CYP2C18: variants seen among roughly 807,000 people sequenced by gnomAD.
The protein encoded by CYP2C18 is cytochrome P450 family 2 subfamily C member 18.
In CYP2C18, 38 loss-of-function variants were observed where a neutral mutation model predicts 41.3. The observed-to-expected ratio is 0.92, with a 90% CI of 0.71 to 1.21. The LOEUF (loss-of-function observed/expected upper bound fraction) is 1.21, where lower values mean the gene tolerates loss of function less well. CYP2C18 is among the 50% of genes most tolerant of loss of function. The probability of loss-of-function intolerance (pLI) is 0.00; values close to 1 mark genes in which losing one functional copy is unlikely to be tolerated. For synonymous variants in CYP2C18, 236 were observed against 210.0 expected (o/e 1.12, Z -1.07); for missense variants, 635 against 591.4 (o/e 1.07, Z -0.77).
At position 94,706,808 on chromosome 10, in the gene CYP2C18, A is replaced by C. The variant is rs1413923742; in HGVS notation, c.667A>C (p.Ile223Leu). Residue 223 changes from isoleucine to leucine, a missense_variant, in exon 5 of 9, where the codon ATC (isoleucine) becomes CTC (leucine). Physicochemically the swap from Ile to Leu is conservative, Grantham distance 5. Transcript: ENST00000285979. The part of the protein sequence containing the change: ...IQVCNNFPAL[I>L]DYLPGSHNKI... ...GGTCTGCAATAATTTCCCTGCTCTC[A>C]TCGATTATCTCCCAGGAAGTCATAA... 1 of 1,598,232 alleles carries C rather than the reference A, an allele frequency of 6.3e-7. No homozygotes were observed. The highest frequency in any genetic ancestry group is 1.1e-5 in the South Asian group (1 of 89,984).
chr10:94,733,194 T>A, intron 7 of CYP2C18, 103 bp from the exon 8 acceptor site: 1 of 1,172,152 alleles, frequency 8.5e-7, no homozygotes, highest in Non-Finnish European at 1.2e-6. Context: ...GGACCTCAAT[T>A]TTCTTATCTA....
chr10:94,686,374 T>A (rs1400082628), intron 1 of CYP2C18, among the ~76,000 whole-genome samples: 2 of 152,210 alleles, frequency 1.3e-5, no homozygotes, highest in Non-Finnish European at 2.9e-5. Context: ...GAATACATCC[T>A]TTCCTATACG....
Position 94,724,368 on chromosome 10 carries a change from A to G in CYP2C18, c.984A>G (p.Glu328=). 6.2e-7 allele frequency: 1 copy of G among 1,613,452 alleles called. No homozygotes were observed. Among genetic ancestry groups the G allele is most frequent in the Non-Finnish European group, 8.5e-7 (1 of 1,179,620 alleles). The change falls in exon 7 of 9, where the codon GAA becomes GAG. Residue 328 remains glutamate, a synonymous_variant. Coordinates refer to ENST00000285979, the MANE Select transcript of CYP2C18 (RefSeq NM_000772.3). ...EVTAKVQEEI[E]CVVGRNRSPC... The stretch of plus-strand genomic sequence containing the variant: ...CAGCTAAAGTCCAGGAAGAGATTGA[A>G]TGTGTAGTTGGCAGAAACCGGAGCC...
At chr10:94,687,152 A>T (rs1359859992) in intron 1 of CYP2C18, among the ~76,000 whole-genome samples, 2 of 152,206 alleles carry the variant, frequency 1.3e-5, no homozygotes, top group Non-Finnish European at 2.9e-5. Context: ...CCTCTGTGAG[A>T]TGCCACACAT....
intron 1 of CYP2C18, among the ~76,000 whole-genome samples, chr10:94,685,046 TAATTAATA>T: frequency 6.6e-6 from 1 of 151,966 alleles, no homozygotes; most frequent in Non-Finnish European, 1.5e-5. Flanking sequence ...ATTAATTAAT[TAATTAATA>T]GAGACAGGGT....
intron 8 of CYP2C18, 37 bp downstream of exon 8, chr10:94,733,475 C>T: frequency 1.9e-6 from 3 of 1,609,266 alleles, no homozygotes; most frequent in Non-Finnish European, 2.5e-6. Context: ...CTTCAGGGCA[C>T]ATGATACCTT....
At chr10:94,717,108 A>T (rs975153754) in intron 5 of CYP2C18, among the ~76,000 whole-genome samples, 1 of 152,130 alleles carries the variant, frequency 6.6e-6, no homozygotes, top group Non-Finnish European at 1.5e-5. Context: ...TGAATACAGC[A>T]CACTGAGGAG....
intron 1 of CYP2C18, 112 bp from the exon 2 acceptor site, chr10:94,687,658 T>C: frequency 1.0e-6 from 1 of 991,846 alleles, no homozygotes; most frequent in Non-Finnish European, 1.5e-6. Flanking sequence ...AAGCTGTATT[T>C]GACAGAATAA....
At chr10:94,728,793 G>A (rs1847785222) in intron 7 of CYP2C18, among the ~76,000 whole-genome samples, 1 of 151,662 alleles carries the variant, frequency 6.6e-6, no homozygotes, top group African/African-American at 2.4e-5. Flanking sequence ...TGTACACAGG[G>A]AAAAGAGCAC....
In CYP2C18 at chr10:94,706,669, C is replaced by T. The variant is rs576281292; in HGVS notation, c.643-115C>T. 6.7e-6 allele frequency: 4 copies of T among 597,724 alleles called. No homozygotes were observed. The South Asian group carries it at 8.9e-5, about 13-fold the overall frequency. The allele number at this position is 597,724 out of a possible 1,614,324, so 37.0% of individuals were successfully genotyped here. ...TTTGTACGTATAATCAAATGCTCCT[C>T]TTACAGAGGGAGATAATTTTTAAAA... On this transcript the variant is annotated intron_variant, in intron 4 of 8. Coordinates refer to ENST00000285979, the MANE Select transcript of CYP2C18 (RefSeq NM_000772.3).
intron 6 of CYP2C18, among the ~76,000 whole-genome samples, chr10:94,722,932 T>C (rs1272002128): frequency 6.6e-6 from 1 of 152,114 alleles, no homozygotes; most frequent in Non-Finnish European, 1.5e-5. Flanking sequence ...ACCATTTAGA[T>C]AGAAAATTCT....
intron 7 of CYP2C18, among the ~76,000 whole-genome samples, chr10:94,730,719 GA>G (rs1847816863): frequency 6.6e-6 from 1 of 152,030 alleles, no homozygotes; most frequent in Admixed American, 6.6e-5. Context: ...ATTCAAATAG[GA>G]AAAGAATAAA....
chr10:94,729,226 G>T (rs1330353653), intron 7 of CYP2C18, among the ~76,000 whole-genome samples: 1 of 152,140 alleles, frequency 6.6e-6, no homozygotes, highest in Non-Finnish European at 1.5e-5. Context: ...GGCAATGGCT[G>T]CTCAATAAGA....
intron 7 of CYP2C18, among the ~76,000 whole-genome samples, chr10:94,732,427 A>C (rs1010793689): frequency 6.6e-6 from 1 of 152,210 alleles, no homozygotes; most frequent in Non-Finnish European, 1.5e-5. Flanking sequence ...TTCTCAAAGA[A>C]CTTAAAAGAG....
At chr10:94,729,133 A>G (rs1589807423) in intron 7 of CYP2C18, among the ~76,000 whole-genome samples, 2 of 152,258 alleles carry the variant, frequency 1.3e-5, no homozygotes, top group East Asian at 3.9e-4. Flanking sequence ...ATGGTCCAGT[A>G]TGAAGAGAGG....
At chr10:94,710,396 C>A (rs1268064483) in intron 5 of CYP2C18, among the ~76,000 whole-genome samples, 1 of 152,170 alleles carries the variant, frequency 6.6e-6, no homozygotes, top group Admixed American at 6.5e-5. Context: ...TTATGGTAAT[C>A]TTGTCCATTT....
intron 6 of CYP2C18, among the ~76,000 whole-genome samples, chr10:94,721,314 C>T (rs1847641283): frequency 6.6e-6 from 1 of 152,130 alleles, no homozygotes. Flanking sequence ...TGTGCCCAGC[C>T]AGGTATGCTT....
intron 3 of CYP2C18, among the ~76,000 whole-genome samples, chr10:94,689,149 A>G (rs1195950164): frequency 1.3e-5 from 2 of 152,278 alleles, no homozygotes; most frequent in East Asian, 3.9e-4. Context: ...TATTTACTGT[A>G]ATGTTTTATA....
At chr10:94,684,288 C>T (rs1846843428) in intron 1 of CYP2C18, among the ~76,000 whole-genome samples, 1 of 152,052 alleles carries the variant, frequency 6.6e-6, no homozygotes, top group African/African-American at 2.4e-5. Flanking sequence ...ATAGAACACC[C>T]GAGCTTATTC....
Sources: gnomAD v4.1 joint callset for allele counts (sites outside exome capture counted in the v4.1 genomes callset) on GRCh38, gnomAD v4.1.1 for gene constraint, MANE v1.5 for transcripts, NCBI Gene and HGNC (gene_info 2026-07-23, HGNC 2026-07-21) for gene names.